Variants in CUL9 observed in about 807,000 individuals in gnomAD.
CUL9 encodes the protein cullin-9.
A neutral mutation model predicts 272.6 loss-of-function variants in CUL9; 79 were observed. That is an observed-to-expected ratio of 0.29 (90% CI 0.24 to 0.35). The LOEUF is 0.35. Ranked by LOEUF, CUL9 falls within the 10% of genes least tolerant of loss-of-function variation. The probability of loss-of-function intolerance (pLI) is 1.00; values close to 1 mark genes in which losing one functional copy is unlikely to be tolerated. For missense variants in CUL9, 2,532 were observed against 3,255.6 expected (o/e 0.78, Z 5.41); for synonymous variants, 1,186 against 1,286.5 (o/e 0.92, Z 1.67).
chr6:43,207,862 A>G (rs1775170800), intron 26 of CUL9, among the ~76,000 whole-genome samples: 1 of 152,194 alleles, frequency 6.6e-6, no homozygotes, highest in Non-Finnish European at 1.5e-5. Context: ...TACATATTTC[A>G]CCAAATTGAC....
At chr6:43,191,527 T>C (rs1009656333) in intron 8 of CUL9, among the ~76,000 whole-genome samples, 1 of 145,656 alleles carries the variant, frequency 6.9e-6, no homozygotes, top group Non-Finnish European at 1.5e-5. Context: ...AGATGGGGTC[T>C]CACTATGTTG....
rs1190276373 is a variant in CUL9 at position 43,200,453 on chromosome 6, C to T, written c.3402C>T (p.Ile1134=). 1.2e-6 allele frequency: 2 copies of T among 1,614,122 alleles called. No homozygotes were observed. Among genetic ancestry groups the T allele is most frequent in the South Asian group, 1.1e-5 (1 of 91,078 alleles). ...AGCIQMVLGQ[I]EDHRRTHQPI... is the part of the protein sequence containing the mutation. ...GGCTGCAGATGGTGCTGGGCCAGAT[C>T]GAAGACCACAGACGAACCCACCAAC... is the stretch of plus-strand genomic sequence containing the variant. Residue 1134 remains isoleucine (I), a synonymous_variant, in exon 15 of 41, where the codon ATC becomes ATT. Transcript: ENST00000252050. This position sits in a 1 kb window ranked among gnomAD's most constrained non-coding sequence, Gnocchi z 4.0.
Position 43,204,418 on chromosome 6 carries a change from G to C in CUL9, c.4218G>C (p.Glu1406Asp), listed in dbSNP as rs1272707072. ...WLLDQYLEQR[E>D]TSRNPLSRAA... ...TGGATCAGTACTTAGAACAGAGAGA[G>C]ACCTCTCGGAACCCCTTGAGTCGAG... The change falls in exon 21 of 41, where the codon GAG becomes GAC. Residue 1406 changes from glutamate to aspartate, a missense_variant. Around this residue, in one of 3 missense-constraint regions of CUL9, gnomAD observed 2,218 missense variants for 2,788.6 expected, o/e 0.80. Transcript: ENST00000252050. The C allele has an allele frequency of 2.5e-6, 4 of 1,614,158 alleles. No individual in the cohort carries two copies. In the East Asian group the frequency reaches 8.9e-5, roughly 36 times the overall value.
intron 9 of CUL9, among the ~76,000 whole-genome samples, chr6:43,194,269 C>T (rs886784253): frequency 5.3e-5 from 8 of 152,018 alleles, no homozygotes; most frequent in Non-Finnish European, 1.0e-4. Flanking sequence ...GGCCAGGAGG[C>T]GCTTTTCTTT....
Position 43,188,565 on chromosome 6 carries a change from T to C in CUL9, c.2030T>C (p.Leu677Pro). ...CGGGGTCCCGGTCCTCGCAGCTCCC[T>C]GGATCAGCATGTGGCAGCGGTCGTG... ...ALRGPGPRSSLDQHVAAVVAT... is the reference protein window; with the variant it reads ...ALRGPGPRSSPDQHVAAVVAT... Residue 677 changes from leucine (L) to proline (P), a missense_variant, in exon 8 of 41, where the codon CTG (leucine) becomes CCG (proline). By Grantham distance (98) the Leu-to-Pro change is moderately conservative. This residue lies in a region of CUL9 where 2,218 missense variants were observed against 2,788.6 expected (regional missense o/e 0.80). Transcript: ENST00000252050. 6.2e-7 allele frequency: 1 copy of C among 1,613,954 alleles called. No individual in the cohort carries two copies. The highest frequency in any genetic ancestry group is 8.5e-7 in the Non-Finnish European group (1 of 1,179,904).
intron 9 of CUL9, among the ~76,000 whole-genome samples, chr6:43,193,836 G>T (rs1773745066): frequency 6.6e-6 from 1 of 152,142 alleles, no homozygotes; most frequent in Non-Finnish European, 1.5e-5. Context: ...GAGTTTTCAG[G>T]TATATTGAGT....
rs547517696 is a variant in CUL9 at position 43,184,107 on chromosome 6, C to T, written c.-9-195C>T. On this transcript the variant is annotated intron_variant, in intron 1 of 40. Transcript: ENST00000252050. This position sits in a 1 kb window ranked among gnomAD's most constrained non-coding sequence, Gnocchi z 4.8. ...CCCCTCTCTGTCTTCACTCCATTCTCCTTCTGTTATAAATCCCAAAGTATG... is the reference window on the plus strand; with the variant it reads ...CCCCTCTCTGTCTTCACTCCATTCTTCTTCTGTTATAAATCCCAAAGTATG... Among the ~76,000 whole-genome samples, 10 of 152,242 alleles carry T rather than the reference C, an allele frequency of 6.6e-5. No individual in the cohort carries two copies. The South Asian group carries it at 2.1e-3, about 32-fold the overall frequency.
At position 43,224,178 on chromosome 6, in the gene CUL9, G is replaced by A. The variant is rs779285805; in HGVS notation, c.7358+10G>A. The A allele has an allele frequency of 2.7e-5, 43 of 1,614,130 alleles. No homozygotes were observed. The highest frequency in any genetic ancestry group is 3.4e-5 in the Non-Finnish European group (40 of 1,180,050). Reference sequence around the variant, plus strand: ...ACATGCCTGGCAGTCAGTAAGTGGGGTGGGCAGAGCCATGGAGGAGGCAGT... The same window carrying A: ...ACATGCCTGGCAGTCAGTAAGTGGGATGGGCAGAGCCATGGAGGAGGCAGT... On this transcript the variant is annotated intron_variant, in intron 40 of 40. Transcript: ENST00000252050. The surrounding 1 kb of genome is among the most constrained non-coding windows in gnomAD (Gnocchi z 4.2).
Position 43,206,525 on chromosome 6 carries a change from A to C in CUL9, c.5212+15A>C, listed in dbSNP as rs747803195. On this transcript the variant is annotated intron_variant, in intron 26 of 40. Coordinates refer to ENST00000252050, the MANE Select transcript of CUL9 (RefSeq NM_015089.4). This position sits in a 1 kb window ranked among gnomAD's most constrained non-coding sequence, Gnocchi z 4.8. ...CTACAGCCAGAGTGAGGAACTAGGG[A>C]GAGGAAATTGGAGATCGGGGTGAGA... 16 of 1,612,734 alleles carry C rather than the reference A, an allele frequency of 9.9e-6. No individual in the cohort carries two copies. The Admixed American group carries it at 1.5e-4, about 15-fold the overall frequency.
chr6:43,200,007 G>A lies in CUL9; in HGVS notation c.3235G>A (p.Gly1079Arg), dbSNP rs371153275. 1 of 1,614,216 alleles carries A rather than the reference G, an allele frequency of 6.2e-7. No homozygotes were observed. The highest frequency in any genetic ancestry group is 8.5e-7 in the Non-Finnish European group (1 of 1,180,044). Reference protein sequence around the residue: ...KDYAVVLCCLGAKEILSKVLD... With the variant: ...KDYAVVLCCLRAKEILSKVLD... ...CTATGCTGTGGTGCTCTGCTGCCTG[G>A]GAGCAAAAGAGATCCTCTCCAAAGT... Residue 1079 changes from glycine to arginine, a missense_variant, in exon 14 of 41, where the codon GGA (glycine) becomes AGA (arginine). By Grantham distance (125) the Gly-to-Arg change is moderately radical (BLOSUM62 -2). Transcript: ENST00000252050. The surrounding 1 kb of genome is among the most constrained non-coding windows in gnomAD (Gnocchi z 4.0).
Position 43,221,623 on chromosome 6 carries a change from G to T in CUL9, c.6753-62G>T. ...TCAACAGCGGTACATCTGGGCCCTT[G>T]GCATTCCTGGCACACCCCTGCCCAG... On this transcript the variant is annotated intron_variant, in intron 34 of 40. Transcript: ENST00000252050. This position sits in a 1 kb window ranked among gnomAD's most constrained non-coding sequence, Gnocchi z 4.2. 6.8e-7 allele frequency: 1 copy of T among 1,473,072 alleles called. No individual in the cohort carries two copies. The highest frequency in any genetic ancestry group is 9.4e-7 in the Non-Finnish European group (1 of 1,061,094). 91.3% of individuals were successfully genotyped at this position (1,473,072 alleles called of 1,614,324 possible).
chr6:43,184,345 T>C lies in CUL9; in HGVS notation c.35T>C (p.Val12Ala), dbSNP rs1772724370. The change falls in exon 2 of 41, where the codon GTG becomes GCG. Residue 12 changes from valine (V) to alanine (A), a missense_variant. Around this residue, in one of 3 missense-constraint regions of CUL9, gnomAD observed 2,218 missense variants for 2,788.6 expected, o/e 0.80. Coordinates refer to ENST00000252050, the MANE Select transcript of CUL9 (RefSeq NM_015089.4). The surrounding 1 kb of genome is among the most constrained non-coding windows in gnomAD (Gnocchi z 4.8). ...VGERHAGDLM[V>A]PLGPRLQAYP... ...GAACGGCATGCTGGGGACCTCATGG[T>C]GCCCTTAGGGCCTCGGCTGCAGGCA... is the stretch of plus-strand genomic sequence containing the variant. 1 of 1,558,772 alleles carries C rather than the reference T, an allele frequency of 6.4e-7. No individual in the cohort carries two copies. The highest frequency in any genetic ancestry group is 1.4e-5 in the African/African-American group (1 of 73,600).
At chr6:43,204,138 C>T (rs1774859688) in intron 20 of CUL9, 151 bp downstream of exon 20, 2 of 1,126,102 alleles carry the variant, frequency 1.8e-6, no homozygotes, top group Non-Finnish European at 1.2e-6. Flanking sequence ...GCCCCAGGCA[C>T]TGCTCCCTGA....
At chr6:43,187,535 G>A in intron 6 of CUL9, 96 bp downstream of exon 6, 7 of 1,398,568 alleles carry the variant, frequency 5.0e-6, no homozygotes, top group Non-Finnish European at 6.9e-6. Flanking sequence ...CTTAGGGGGA[G>A]GCTGGAGCTA....
At chr6:43,215,482 C>T (rs929084838) in intron 30 of CUL9, among the ~76,000 whole-genome samples, 156 bp downstream of exon 30, 2 of 152,188 alleles carry the variant, frequency 1.3e-5, no homozygotes, top group Admixed American at 1.3e-4. Context: ...TATTGACCCT[C>T]CCAGCACCAC....
In CUL9 at chr6:43,204,948, G is replaced by C; in HGVS notation, c.4465G>C (p.Ala1489Pro). Reference sequence around the variant, plus strand: ...TTCTCCTCAGGTCAGCAGATTCCTGGCTGCAGCTTGGAGGGCCCCAGACTT... The same window carrying C: ...TTCTCCTCAGGTCAGCAGATTCCTGCCTGCAGCTTGGAGGGCCCCAGACTT... ...VVQEQVSRFLAAAWRAPDFVP... is the reference protein window; with the variant it reads ...VVQEQVSRFLPAAWRAPDFVP... The change falls in exon 23 of 41, where the codon GCT (alanine) becomes CCT (proline). Residue 1489 changes from alanine to proline, a missense_variant. Physicochemically the swap from Ala to Pro is conservative, Grantham distance 27. This residue lies in a region of CUL9 where 2,218 missense variants were observed against 2,788.6 expected (regional missense o/e 0.80). Transcript: ENST00000252050. The C allele has an allele frequency of 6.2e-7, 1 of 1,608,082 alleles. No individual in the cohort carries two copies. Among genetic ancestry groups the C allele is most frequent in the Non-Finnish European group, 8.5e-7 (1 of 1,176,002 alleles).
At position 43,224,481 on chromosome 6, in the gene CUL9, G is replaced by T. The variant is rs1473086348; in HGVS notation, c.*36G>T. 1 of 1,586,206 alleles carries T rather than the reference G, an allele frequency of 6.3e-7. No individual in the cohort carries two copies. Among genetic ancestry groups the T allele is most frequent in the East Asian group, 2.2e-5 (1 of 44,566 alleles). ...GCAGGAAACACCTAGAGCAGCCCCAGAGTCACGGGGCTGAGGGGGCGGGAG... is the reference window on the plus strand; with the variant it reads ...GCAGGAAACACCTAGAGCAGCCCCATAGTCACGGGGCTGAGGGGGCGGGAG... On this transcript the variant is annotated 3_prime_UTR_variant, in exon 41 of 41. Transcript: ENST00000252050. The surrounding 1 kb of genome is among the most constrained non-coding windows in gnomAD (Gnocchi z 4.2).
At chr6:43,193,772 T>TGA (rs780483133) in intron 9 of CUL9, among the ~76,000 whole-genome samples, 18 of 152,098 alleles carry the variant, frequency 1.2e-4, no homozygotes, top group East Asian at 7.7e-4. Flanking sequence ...GCCCATTTAC[T>TGA]GAGAGAGAGA....
At position 43,213,155 on chromosome 6, in the gene CUL9, A is replaced by G; in HGVS notation, c.5219A>G (p.Asn1740Ser). ...RFSSFYSQSQ[N>S]HPVLDMGPHR... is the part of the protein sequence containing the mutation. ...CTCCTTGACACTTGCCTAGGTCAGA[A>G]CCATCCAGTCCTGGACATGGGACCA... The change falls in exon 27 of 41, where the codon AAC (asparagine) becomes AGC (serine). Residue 1740 changes from asparagine (N) to serine (S), a missense_variant. By Grantham distance (46) the Asn-to-Ser change is conservative (BLOSUM62 1). Coordinates refer to ENST00000252050, the MANE Select transcript of CUL9 (RefSeq NM_015089.4). This position sits in a 1 kb window ranked among gnomAD's most constrained non-coding sequence, Gnocchi z 5.7. The G allele has an allele frequency of 6.2e-7, 1 of 1,613,990 alleles. No homozygotes were observed. The highest frequency in any genetic ancestry group is 1.1e-5 in the South Asian group (1 of 91,068).
Sources: allele counts gnomAD v4.1 joint callset (sites outside exome capture counted in the v4.1 genomes callset), GRCh38; gene constraint gnomAD v4.1.1; regional missense constraint gnomAD v4.1.1; non-coding constraint Gnocchi (gnomAD v3.1); transcripts MANE v1.5; gene names NCBI Gene and HGNC (gene_info 2026-07-23, HGNC 2026-07-21).